Variants in SCUBE2 observed in about 807,000 individuals in gnomAD.
SCUBE2 encodes signal peptide, CUB and EGF-like domain-containing protein 2.
A neutral mutation model predicts 125.9 loss-of-function variants in SCUBE2; 114 were observed. The observed-to-expected ratio is 0.91, with a 90% CI of 0.78 to 1.06. The LOEUF (loss-of-function observed/expected upper bound fraction) is 1.06, where lower values mean the gene tolerates loss of function less well. Among genes scored for constraint, SCUBE2 ranks in the 50% least tolerant of loss-of-function variants. The pLI, the probability that SCUBE2 is intolerant of heterozygous loss-of-function variation, is 0.00. For missense variants in SCUBE2, 1,255 were observed against 1,301.8 expected (o/e 0.96, Z 0.55); for synonymous variants, 459 against 492.9 (o/e 0.93, Z 0.91).
intron 16 of SCUBE2, among the ~76,000 whole-genome samples, chr11:9,036,604 A>G (rs1387937024): frequency 2.0e-5 from 3 of 152,220 alleles, no homozygotes; most frequent in Non-Finnish European, 1.5e-5. Context: ...ATATGGTGAC[A>G]ATGATTCCAA....
intron 16 of SCUBE2, among the ~76,000 whole-genome samples, chr11:9,046,198 C>T (rs372347349): frequency 5.9e-5 from 9 of 151,488 alleles, no homozygotes; most frequent in Non-Finnish European, 8.9e-5. Context: ...TTAGTAGAGG[C>T]GGGGTTTCAC....
chr11:9,063,683 C>CTTT (rs1324345593), intron 7 of SCUBE2, among the ~76,000 whole-genome samples: 1 of 152,160 alleles, frequency 6.6e-6, no homozygotes, highest in Non-Finnish European at 1.5e-5. Flanking sequence ...AGAGACAAGA[C>CTTT]ATAGGATCCA....
In SCUBE2 at chr11:9,020,495, A is replaced by G. The variant is rs892147735; in HGVS notation, c.*550T>C. 5 of 151,960 alleles carry G rather than the reference A, an allele frequency of 3.3e-5. No homozygotes were observed. Among genetic ancestry groups the G allele is most frequent in the Non-Finnish European group, 7.4e-5 (5 of 67,986 alleles). The allele number at this position is 151,960 out of a possible 1,614,324, so 9.4% of individuals were successfully genotyped here. A position where few individuals can be genotyped will look rare whatever the true frequency, so the allele number is the denominator to read the frequency against. On this transcript the variant is annotated 3_prime_UTR_variant, in exon 23 of 23. Coordinates refer to ENST00000649792, the MANE Select transcript of SCUBE2 (RefSeq NM_001367977.2). ...TCCTGGGATCAAACTTGTATCACAC[A>G]GGCTGGAGAAGGCTGTGGAGAAACT...
intron 16 of SCUBE2, among the ~76,000 whole-genome samples, chr11:9,034,437 G>A (rs1856585818): frequency 6.6e-6 from 1 of 152,218 alleles, no homozygotes. Context: ...AAGGACAGGA[G>A]TCAGGCATGG....
intron 8 of SCUBE2, 26 bp downstream of exon 8, chr11:9,060,382 A>G (rs1354502726): frequency 6.4e-7 from 1 of 1,572,726 alleles, no homozygotes; most frequent in African/African-American, 1.3e-5. Flanking sequence ...CAGGGCACCC[A>G]GTCTCCCTGG....
At chr11:9,065,751 A>G in intron 7 of SCUBE2, 140 bp downstream of exon 7, 1 of 676,280 alleles carries the variant, frequency 1.5e-6, no homozygotes, top group East Asian at 2.7e-5. Context: ...GAACAGACAC[A>G]CACCCTGGTT....
chr11:9,030,812 C>G lies in SCUBE2; in HGVS notation c.2287G>C (p.Gly763Arg), dbSNP rs1189769991. 6.2e-7 allele frequency: 1 copy of G among 1,614,222 alleles called. No individual in the cohort carries two copies. Among genetic ancestry groups the G allele is most frequent in the Non-Finnish European group, 8.5e-7 (1 of 1,180,020 alleles). The change falls in exon 18 of 23, where the codon GGC becomes CGC. Residue 763 changes from glycine (G) to arginine (R), a missense_variant. By Grantham distance (125) the Gly-to-Arg change is moderately radical (BLOSUM62 -2). Coordinates refer to ENST00000649792, the MANE Select transcript of SCUBE2 (RefSeq NM_001367977.2). ...GRTSCFPCGG[G>R]LATKHQGATS... The stretch of plus-strand genomic sequence containing the variant: ...GCTCCCTGATGTTTGGTGGCAAGGC[C>G]TCCTCCACAGGGGAAGCAGGAAGTT...
At chr11:9,043,721 C>G (rs947776814) in intron 16 of SCUBE2, among the ~76,000 whole-genome samples, 1 of 151,530 alleles carries the variant, frequency 6.6e-6, no homozygotes, top group Non-Finnish European at 1.5e-5. Flanking sequence ...TAGATGTTTT[C>G]AGAAGAAGGA....
intron 17 of SCUBE2, 110 bp from the exon 18 acceptor site, chr11:9,031,035 G>C: frequency 1.0e-6 from 1 of 974,256 alleles, no homozygotes; most frequent in Non-Finnish European, 1.5e-6. Flanking sequence ...GCTGACCGCA[G>C]TTCCCACCTC....
chr11:9,049,361 G>T (rs1209684843), intron 14 of SCUBE2, among the ~76,000 whole-genome samples: 1 of 152,004 alleles, frequency 6.6e-6, no homozygotes, highest in Non-Finnish European at 1.5e-5. Flanking sequence ...CGCCCGCCTT[G>T]GCCTCCTGAG....
intron 16 of SCUBE2, among the ~76,000 whole-genome samples, chr11:9,034,003 GCT>G (rs1856549196): frequency 6.6e-6 from 1 of 152,188 alleles, no homozygotes; most frequent in Non-Finnish European, 1.5e-5. Context: ...GGTGTTTACA[GCT>G]CTGTCTCTCC....
chr11:9,083,968 C>T (rs1294091096), intron 2 of SCUBE2, among the ~76,000 whole-genome samples: 3 of 152,070 alleles, frequency 2.0e-5, no homozygotes, highest in Non-Finnish European at 4.4e-5. Flanking sequence ...GATGAGTATG[C>T]GTACATGTAT....
intron 4 of SCUBE2, among the ~76,000 whole-genome samples, chr11:9,072,600 T>C (rs896189909): frequency 6.6e-6 from 1 of 152,234 alleles, no homozygotes; most frequent in Admixed American, 6.5e-5. Context: ...GGCTGTTCTA[T>C]TTGAAGAATC....
At chr11:9,031,811 A>G (rs375136507) in intron 17 of SCUBE2, among the ~76,000 whole-genome samples, 2 of 152,174 alleles carry the variant, frequency 1.3e-5, no homozygotes, top group South Asian at 2.1e-4. Context: ...TCTGCTATCT[A>G]TCTCTTATAT....
intron 19 of SCUBE2, among the ~76,000 whole-genome samples, chr11:9,028,128 T>G (rs1252518207): frequency 6.6e-6 from 1 of 152,196 alleles, no homozygotes; most frequent in Non-Finnish European, 1.5e-5. Context: ...CATGGCTCAC[T>G]GCGCCCTTCA....
chr11:9,073,529 C>G (rs550107827), intron 4 of SCUBE2, among the ~76,000 whole-genome samples: 1 of 152,194 alleles, frequency 6.6e-6, no homozygotes, highest in African/African-American at 2.4e-5. Flanking sequence ...TGAAAAGTTA[C>G]CAAGACCAGG....
Position 9,091,180 on chromosome 11 carries a change from C to T in SCUBE2, c.133+216G>A, listed in dbSNP as rs1325872678. On this transcript the variant is annotated intron_variant, in intron 1 of 22. Transcript: ENST00000649792. The surrounding 1 kb of genome is among the most constrained non-coding windows in gnomAD (Gnocchi z 8.5). ...CCGGGGCGGGAACCGTCAGCAGCTC[C>T]GGGTCCGAGGCCGGGCCGAAGGACT... Among the ~76,000 whole-genome samples the T allele has an allele frequency of 6.6e-6, 1 of 152,132 alleles. No individual in the cohort carries two copies. The highest frequency in any genetic ancestry group is 2.4e-5 in the African/African-American group (1 of 41,458).
intron 16 of SCUBE2, among the ~76,000 whole-genome samples, chr11:9,042,066 GAGA>G (rs1183828206): frequency 1.1e-4 from 16 of 152,246 alleles, no homozygotes; most frequent in South Asian, 1.0e-3. Context: ...TGGACATGAA[GAGA>G]AGAAGTTGTT....
chr11:9,040,772 A>C (rs1857169145), intron 16 of SCUBE2, among the ~76,000 whole-genome samples: 1 of 152,222 alleles, frequency 6.6e-6, no homozygotes, highest in Admixed American at 6.5e-5. Flanking sequence ...TTCATATCCC[A>C]GGCAGGATGG....
Sources: allele counts gnomAD v4.1 joint callset (sites outside exome capture counted in the v4.1 genomes callset), GRCh38; gene constraint gnomAD v4.1.1; non-coding constraint Gnocchi (gnomAD v3.1); transcripts MANE v1.5; gene names NCBI Gene and HGNC (gene_info 2026-07-23, HGNC 2026-07-21).